The following NDUFAF2 variants were observed in gnomAD, a reference collection of about 807,000 sequenced individuals.
NDUFAF2 encodes NADH dehydrogenase [ubiquinone] 1 alpha subcomplex assembly factor 2.
In NDUFAF2, 13 loss-of-function variants were observed where a neutral mutation model predicts 22.8. That is an observed-to-expected ratio of 0.57 (90% CI 0.37 to 0.91). NDUFAF2 has a LOEUF of 0.91. NDUFAF2 is among the 40% of genes least tolerant of loss of function. The pLI, the probability that NDUFAF2 is intolerant of heterozygous loss-of-function variation, is 0.01. For synonymous variants in NDUFAF2, 53 were observed against 64.2 expected (o/e 0.83, Z 0.84); for missense variants, 162 against 195.2 (o/e 0.83, Z 1.01).
intron 1 of NDUFAF2, among the ~76,000 whole-genome samples, chr5:61,022,184 A>C (rs568437006): frequency 3.9e-5 from 6 of 152,206 alleles, no homozygotes; most frequent in Non-Finnish European, 7.3e-5. Flanking sequence ...ACAAATTGAC[A>C]AAAATGTTAA....
chr5:61,031,367 C>T (rs1751724529), intron 1 of NDUFAF2, among the ~76,000 whole-genome samples: 1 of 152,094 alleles, frequency 6.6e-6, no homozygotes, highest in South Asian at 2.1e-4. Context: ...CATGTGTTCT[C>T]ATTGTTCACC....
At chr5:61,133,477 A>G (rs956784202) in intron 3 of NDUFAF2, among the ~76,000 whole-genome samples, 1 of 152,200 alleles carries the variant, frequency 6.6e-6, no homozygotes, top group African/African-American at 2.4e-5. Context: ...ATTTTACCAC[A>G]TTGATGTTTT....
At chr5:61,006,807 G>C (rs1667978847) in intron 1 of NDUFAF2, among the ~76,000 whole-genome samples, 1 of 152,030 alleles carries the variant, frequency 6.6e-6, no homozygotes, top group African/African-American at 2.4e-5. Context: ...AGTTAATATT[G>C]TAATGAAAAC....
chr5:60,964,866 C>A lies in NDUFAF2; in HGVS notation c.127+19484C>A, dbSNP rs1265102652. On this transcript the variant is annotated intron_variant, in intron 1 of 3. Transcript: ENST00000296597. ...CATTTCCCCAATACCTACCACCCACCAGACTCTGGTAACTCCTCCTGTTCC... is the reference window on the plus strand; with the variant it reads ...CATTTCCCCAATACCTACCACCCACAAGACTCTGGTAACTCCTCCTGTTCC... Among the ~76,000 whole-genome samples the A allele has an allele frequency of 2.6e-5, 4 of 152,176 alleles. No homozygotes were observed. The South Asian group carries it at 6.2e-4, about 24-fold the overall frequency.
Position 61,016,509 on chromosome 5 carries a change from A to G in NDUFAF2, c.128-56616A>G, listed in dbSNP as rs117285131. Among the ~76,000 whole-genome samples the G allele has an allele frequency of 1.1e-3, 173 of 152,320 alleles. 2 individuals carry two copies. The East Asian group carries it at 0.013, about 11-fold the overall frequency. On this transcript the variant is annotated intron_variant, in intron 1 of 3. Coordinates refer to ENST00000296597, the MANE Select transcript of NDUFAF2 (RefSeq NM_174889.5). Reference sequence around the variant, plus strand: ...TAAATAACTATGTGGTTGGAAAACTATGAGATAACTGTCAATAGGGAATTT... The same window carrying G: ...TAAATAACTATGTGGTTGGAAAACTGTGAGATAACTGTCAATAGGGAATTT...
intron 1 of NDUFAF2, among the ~76,000 whole-genome samples, chr5:60,945,809 C>T (rs1213050021): frequency 6.6e-6 from 1 of 152,190 alleles, no homozygotes; most frequent in Non-Finnish European, 1.5e-5. Context: ...CGCTGTTCCC[C>T]GCCTTGTGAC....
intron 1 of NDUFAF2, among the ~76,000 whole-genome samples, chr5:60,966,020 C>T (rs548256948): frequency 3.9e-5 from 6 of 151,960 alleles, no homozygotes; most frequent in South Asian, 2.1e-4. Context: ...TCTACATTGT[C>T]GACAACACTT....
intron 3 of NDUFAF2, among the ~76,000 whole-genome samples, chr5:61,139,606 G>A (rs542961149): frequency 1.1e-4 from 17 of 152,288 alleles, no homozygotes; most frequent in African/African-American, 3.4e-4. Context: ...TCCTACCATG[G>A]TTAATGGCAT....
At chr5:61,099,067 A>G (rs1752676463) in intron 3 of NDUFAF2, 35 bp downstream of exon 3, 10 of 1,493,900 alleles carry the variant, frequency 6.7e-6, no homozygotes, top group Non-Finnish European at 9.2e-6. Context: ...ATTTAGGAGT[A>G]TATATTCCCA....
intron 1 of NDUFAF2, among the ~76,000 whole-genome samples, chr5:61,062,102 A>G (rs1006790220): frequency 6.6e-6 from 1 of 152,222 alleles, no homozygotes; most frequent in Non-Finnish European, 1.5e-5. Flanking sequence ...GGAAGAGGTG[A>G]CTGTACCAGC....
At chr5:60,969,927 C>G (rs1299881408) in intron 1 of NDUFAF2, among the ~76,000 whole-genome samples, 2 of 152,064 alleles carry the variant, frequency 1.3e-5, no homozygotes. Flanking sequence ...GGTCTAATTT[C>G]ATTTTTCTGC....
At chr5:61,034,080 T>C (rs951862274) in intron 1 of NDUFAF2, among the ~76,000 whole-genome samples, 1 of 152,176 alleles carries the variant, frequency 6.6e-6, no homozygotes, top group Non-Finnish European at 1.5e-5. Flanking sequence ...TATAGGGATT[T>C]GGATGCATAT....
chr5:60,960,860 T>A (rs1308103924), intron 1 of NDUFAF2, among the ~76,000 whole-genome samples: 1 of 152,178 alleles, frequency 6.6e-6, no homozygotes, highest in Non-Finnish European at 1.5e-5. Flanking sequence ...TGCTAGAGAT[T>A]GTGTTTACAC....
chr5:60,957,840 G>A (rs1750637386), intron 1 of NDUFAF2, among the ~76,000 whole-genome samples: 1 of 152,130 alleles, frequency 6.6e-6, no homozygotes, highest in Admixed American at 6.5e-5. Context: ...CTGACCATGT[G>A]TTATTGTTTG....
intron 1 of NDUFAF2, among the ~76,000 whole-genome samples, chr5:61,031,046 A>G (rs1751716940): frequency 1.3e-5 from 2 of 151,992 alleles, no homozygotes; most frequent in South Asian, 4.1e-4. Flanking sequence ...TTTTAAACTT[A>G]GTTTTATATA....
At chr5:60,976,126 T>G (rs1750898744) in intron 1 of NDUFAF2, among the ~76,000 whole-genome samples, 1 of 152,182 alleles carries the variant, frequency 6.6e-6, no homozygotes, top group Non-Finnish European at 1.5e-5. Flanking sequence ...GGATTGGTAG[T>G]TATAAGGGTC....
At chr5:61,078,005 A>G (rs1752390943) in intron 2 of NDUFAF2, among the ~76,000 whole-genome samples, 1 of 152,182 alleles carries the variant, frequency 6.6e-6, no homozygotes, top group Non-Finnish European at 1.5e-5. Flanking sequence ...TAACTTGGCT[A>G]ACTCCTATTT....
rs963136767 is a variant in NDUFAF2, at chr5:61,042,038, T to A, written c.128-31087T>A. On this transcript the variant is annotated intron_variant, in intron 1 of 3. Transcript: ENST00000296597. Reference sequence around the variant, plus strand: ...GAAATCCAGGTATGACCACGTAGATTTGTCACTAATACGCTAGAGTCTTTT... The same window carrying A: ...GAAATCCAGGTATGACCACGTAGATATGTCACTAATACGCTAGAGTCTTTT... Among the ~76,000 whole-genome samples the A allele has an allele frequency of 5.9e-5, 9 of 152,296 alleles. No individual in the cohort carries two copies. The South Asian group carries it at 1.9e-3, about 32-fold the overall frequency.
intron 1 of NDUFAF2, among the ~76,000 whole-genome samples, chr5:61,066,818 T>C (rs906946959): frequency 6.6e-6 from 1 of 152,158 alleles, no homozygotes; most frequent in Admixed American, 6.6e-5. Context: ...ATCATTTTTT[T>C]CCCCAAGTAT....
Sources: gnomAD v4.1 joint callset for allele counts (sites outside exome capture counted in the v4.1 genomes callset) on GRCh38, gnomAD v4.1.1 for gene constraint, MANE v1.5 for transcripts, NCBI Gene and HGNC (gene_info 2026-07-23, HGNC 2026-07-21) for gene names.